The following CNTN5 variants were observed in gnomAD, a reference collection of about 807,000 sequenced individuals.
CNTN5 encodes contactin 5.
Under a neutral mutation model 129.1 loss-of-function variants are expected in CNTN5, and 77 were observed. That is an observed-to-expected ratio of 0.60 (90% CI 0.50 to 0.72). The LOEUF is 0.72. Among genes scored for constraint, CNTN5 ranks in the 30% least tolerant of loss-of-function variants. The pLI is 0.00. For missense variants in CNTN5, 1,478 were observed against 1,328.8 expected (o/e 1.11, Z -1.75); for synonymous variants, 509 against 465.6 (o/e 1.09, Z -1.20).
intron 13 of CNTN5, among the ~76,000 whole-genome samples, chr11:100,182,354 C>T (rs554941625): frequency 2.0e-5 from 3 of 151,928 alleles, no homozygotes; most frequent in Non-Finnish European, 4.4e-5. Context: ...TTACAGATGG[C>T]TATTTTCCTT....
chr11:99,280,597 C>A (rs1160968411), intron 1 of CNTN5, among the ~76,000 whole-genome samples: 2 of 151,680 alleles, frequency 1.3e-5, no homozygotes, highest in Admixed American at 6.6e-5. Flanking sequence ...AAAATCTCCA[C>A]CCTGAAATTT....
intron 3 of CNTN5, among the ~76,000 whole-genome samples, chr11:99,659,664 CCCTT>C (rs1330663001): frequency 1.3e-5 from 2 of 152,128 alleles, no homozygotes; most frequent in African/African-American, 4.8e-5. Context: ...GTAGAATTCT[CCCTT>C]CCTCTGGAAA....
chr11:99,790,419 T>C (rs770241346), intron 3 of CNTN5, among the ~76,000 whole-genome samples: 5 of 151,804 alleles, frequency 3.3e-5, no homozygotes, highest in Non-Finnish European at 1.5e-5. Context: ...AAGACCATGC[T>C]GTATTTGGTT....
Position 99,198,427 on chromosome 11 carries a change from G to A in CNTN5, c.-209-126919G>A, listed in dbSNP as rs536168035. Among the ~76,000 whole-genome samples the A allele has an allele frequency of 2.0e-5, 3 of 152,268 alleles. No homozygotes were observed. The South Asian group carries it at 6.2e-4, about 32-fold the overall frequency. On this transcript the variant is annotated intron_variant, in intron 1 of 24. Coordinates refer to ENST00000524871, the MANE Select transcript of CNTN5 (RefSeq NM_014361.4). ...AAACTAAGAGCGTTGTTGCAGGCAA[G>A]TTAGATGGGGCCAAAGTTCCAAATG...
chr11:99,991,304 A>G (rs1939080024), intron 8 of CNTN5, among the ~76,000 whole-genome samples: 1 of 151,234 alleles, frequency 6.6e-6, no homozygotes, highest in Admixed American at 6.6e-5. Flanking sequence ...CGTCTCTACT[A>G]AAAGTACAAA....
chr11:99,471,157 A>AC (rs1351452418), intron 2 of CNTN5, among the ~76,000 whole-genome samples: 2 of 151,890 alleles, frequency 1.3e-5, no homozygotes, highest in Admixed American at 1.3e-4. Context: ...GCTAAAAAAA[A>AC]AAACAAATTT....
At chr11:99,984,982 C>A (rs148261549) in intron 8 of CNTN5, among the ~76,000 whole-genome samples, 1 of 152,124 alleles carries the variant, frequency 6.6e-6, no homozygotes, top group Non-Finnish European at 1.5e-5. Flanking sequence ...CTGGCAGGAG[C>A]GAGCTCCATT....
chr11:100,297,534 C>A, intron 18 of CNTN5, 91 bp from the exon 19 acceptor site: 1 of 947,648 alleles, frequency 1.1e-6, no homozygotes, highest in Non-Finnish European at 1.7e-6. Context: ...ACCATTCTGA[C>A]TTCAAACAAA....
intron 3 of CNTN5, among the ~76,000 whole-genome samples, chr11:99,737,967 A>G (rs1244851778): frequency 1.3e-5 from 2 of 152,178 alleles, no homozygotes; most frequent in Non-Finnish European, 2.9e-5. Flanking sequence ...TTAGTGAAAT[A>G]TATTTATACT....
At chr11:100,136,741 A>G (rs1453553857) in intron 13 of CNTN5, among the ~76,000 whole-genome samples, 1 of 151,594 alleles carries the variant, frequency 6.6e-6, no homozygotes, top group Admixed American at 6.6e-5. Context: ...TACACCATTC[A>G]GTTATAAAGA....
Position 100,241,046 on chromosome 11 carries a change from C to T in CNTN5, c.2006-14714C>T, listed in dbSNP as rs115921351. ...TATTGGATTTATAGAAAACTTTGTA[C>T]AAACATGGTACTTTCCATATTTTAG... On this transcript the variant is annotated intron_variant, in intron 16 of 24. Coordinates refer to ENST00000524871, the MANE Select transcript of CNTN5 (RefSeq NM_014361.4). Among the ~76,000 whole-genome samples the T allele has an allele frequency of 4.2e-3, 633 of 152,254 alleles. 4 individuals are homozygous for T. The highest frequency in any genetic ancestry group is 0.014 in the African/African-American group (601 of 41,562).
intron 6 of CNTN5, among the ~76,000 whole-genome samples, chr11:99,892,628 A>G (rs1949093236): frequency 6.6e-6 from 1 of 151,990 alleles, no homozygotes; most frequent in African/African-American, 2.4e-5. Context: ...TCAAAGATCA[A>G]ATGGTTTTAG....
intron 3 of CNTN5, among the ~76,000 whole-genome samples, chr11:99,559,920 CA>C (rs1948786029): frequency 6.6e-6 from 1 of 151,964 alleles, no homozygotes; most frequent in African/African-American, 2.4e-5. Flanking sequence ...ATTCTATATA[CA>C]AATGGCTAAT....
chr11:99,035,729 G>T (rs1315722145), intron 1 of CNTN5, among the ~76,000 whole-genome samples: 2 of 151,002 alleles, frequency 1.3e-5, no homozygotes, highest in Non-Finnish European at 2.9e-5. Flanking sequence ...TATCCAATTT[G>T]CCAGTCTGTG....
chr11:99,682,890 A>G lies in CNTN5; in HGVS notation c.55+126621A>G, dbSNP rs77368882. Reference sequence around the variant, plus strand: ...CCACAGTTCATAAGTTACATAAAACATTACTGATATCTGTGCACTAAAAAA... The same window carrying G: ...CCACAGTTCATAAGTTACATAAAACGTTACTGATATCTGTGCACTAAAAAA... On this transcript the variant is annotated intron_variant, in intron 3 of 24. Coordinates refer to ENST00000524871, the MANE Select transcript of CNTN5 (RefSeq NM_014361.4). Among the ~76,000 whole-genome samples the G allele has an allele frequency of 2.1e-3, 318 of 152,104 alleles. 1 individual carries two copies. The highest frequency in any genetic ancestry group is 7.3e-3 in the African/African-American group (304 of 41,516).
chr11:99,096,852 A>C (rs2135336434), intron 1 of CNTN5, among the ~76,000 whole-genome samples: 2 of 151,894 alleles, frequency 1.3e-5, no homozygotes, highest in Non-Finnish European at 3.0e-5. Context: ...TTATTATATG[A>C]CAGGCTTTAG....
rs998571848 is a variant in CNTN5, at chr11:99,165,134, G to A, written c.-210+143864G>A. Among the ~76,000 whole-genome samples the A allele has an allele frequency of 7.7e-4, 117 of 152,136 alleles. 1 individual carries two copies. The highest frequency in any genetic ancestry group is 1.3e-3 in the African/African-American group (52 of 41,504). Reference sequence around the variant, plus strand: ...AGAATGAAATTTATTGCAAATGAGCGTTTATCTACCAATCAGTAGTTAATG... The same window carrying A: ...AGAATGAAATTTATTGCAAATGAGCATTTATCTACCAATCAGTAGTTAATG... On this transcript the variant is annotated intron_variant, in intron 1 of 24. Coordinates refer to ENST00000524871, the MANE Select transcript of CNTN5 (RefSeq NM_014361.4).
chr11:99,419,601 A>T (rs983814766), intron 2 of CNTN5, among the ~76,000 whole-genome samples: 2 of 152,138 alleles, frequency 1.3e-5, no homozygotes, highest in Non-Finnish European at 2.9e-5. Context: ...AGCCAGAGTT[A>T]TATGGACTGT....
chr11:99,346,143 T>G lies in CNTN5; in HGVS notation c.-71+20659T>G, dbSNP rs373671743. On this transcript the variant is annotated intron_variant, in intron 2 of 24. Coordinates refer to ENST00000524871, the MANE Select transcript of CNTN5 (RefSeq NM_014361.4). ...TATATTTGACTTTTTCACTCCACATTATGTCATATTGTGTGAATACTGCCT... is the reference window on the plus strand; with the variant it reads ...TATATTTGACTTTTTCACTCCACATGATGTCATATTGTGTGAATACTGCCT... 7.9e-5 allele frequency among the ~76,000 whole-genome samples: 12 copies of G among 152,274 alleles called. No individual in the cohort carries two copies. In the East Asian group the frequency reaches 1.7e-3, roughly 22 times the overall value.
Sources: allele counts gnomAD v4.1 joint callset (sites outside exome capture counted in the v4.1 genomes callset), GRCh38; gene constraint gnomAD v4.1.1; transcripts MANE v1.5; gene names NCBI Gene and HGNC (gene_info 2026-07-23, HGNC 2026-07-21).